The following TEX36 variants were observed in gnomAD, a reference collection of about 807,000 sequenced individuals.
TEX36 encodes the protein testis-expressed protein 36.
TEX36 carries 12 observed loss-of-function variants against 13.6 expected under a neutral mutation model. That is an observed-to-expected ratio of 0.88 (90% CI 0.56 to 1.43). The LOEUF is 1.43. Among genes scored for constraint, TEX36 ranks in the 40% most tolerant of loss-of-function variants. The pLI is 0.00. For synonymous variants in TEX36, 93 were observed against 83.0 expected, an observed-to-expected ratio of 1.12 and a Z score of -0.65; for missense variants, 224 against 228.3, an observed-to-expected ratio of 0.98 and a Z score of 0.12.
At chr10:125,627,315 A>G (rs947490167) in intron 3 of TEX36, among the ~76,000 whole-genome samples, 7 of 152,216 alleles carry the variant, frequency 4.6e-5, no homozygotes, top group African/African-American at 1.7e-4. Flanking sequence ...TACAGAGATG[A>G]AAATATATCT....
intron 3 of TEX36, among the ~76,000 whole-genome samples, chr10:125,625,315 A>C (rs1452444085): frequency 2.6e-5 from 4 of 152,220 alleles, no homozygotes; most frequent in Non-Finnish European, 5.9e-5. Flanking sequence ...AAAATAGTTT[A>C]GCACCCCCCA....
chr10:125,682,046 A>T (rs924964272), intron 1 of TEX36, among the ~76,000 whole-genome samples: 4 of 152,244 alleles, frequency 2.6e-5, no homozygotes, highest in Non-Finnish European at 5.9e-5. Context: ...CCCTAAAAGA[A>T]GTCGACGTCA....
chr10:125,655,514 G>C (rs1315740679), downstream of TEX36, among the ~76,000 whole-genome samples: 1 of 152,172 alleles, frequency 6.6e-6, no homozygotes, highest in Non-Finnish European at 1.5e-5. Context: ...TATGTGTTAT[G>C]CACATGTATA....
At chr10:125,605,250 T>C (rs2133546518) in intron 3 of TEX36, among the ~76,000 whole-genome samples, 1 of 152,326 alleles carries the variant, frequency 6.6e-6, no homozygotes, top group South Asian at 2.1e-4. Flanking sequence ...CCATAAAGTC[T>C]ATGAGGTCAG....
intron 3 of TEX36, among the ~76,000 whole-genome samples, chr10:125,586,102 G>A (rs149280263): frequency 2.6e-5 from 4 of 152,206 alleles, no homozygotes; most frequent in Non-Finnish European, 2.9e-5. Flanking sequence ...GACAGAGGCC[G>A]TCTGGGGCAT....
intron 3 of TEX36, among the ~76,000 whole-genome samples, chr10:125,644,680 T>C (rs1306787392): frequency 6.6e-6 from 1 of 152,234 alleles, no homozygotes; most frequent in East Asian, 1.9e-4. Flanking sequence ...ATCTCACTCT[T>C]GTATAATCCC....
downstream of TEX36, among the ~76,000 whole-genome samples, chr10:125,618,942 TAAAAAAAA>T (rs11452140): frequency 3.4e-3 from 150 of 43,578 alleles, 3 homozygotes; most frequent in Admixed American, 0.027. Flanking sequence ...CCGTCTCTAC[TAAAAAAAA>T]AAAAAAAAAA....
chr10:125,640,078 A>G, intron 3 of TEX36: 2 of 788,592 alleles, frequency 2.5e-6, no homozygotes, highest in Non-Finnish European at 3.1e-6. Flanking sequence ...GTCAGTAGCT[A>G]TATGGAACGT....
chr10:125,679,912 A>T (rs1408475490), intron 1 of TEX36, among the ~76,000 whole-genome samples: 1 of 152,176 alleles, frequency 6.6e-6, no homozygotes, highest in Non-Finnish European at 1.5e-5. Context: ...CCCCAACCCC[A>T]GATAACAATA....
chr10:125,597,439 C>A (rs1272304217), intron 3 of TEX36, among the ~76,000 whole-genome samples: 1 of 152,212 alleles, frequency 6.6e-6, no homozygotes, highest in South Asian at 2.1e-4. Flanking sequence ...ATGCTTAATA[C>A]CCAAACTGCC....
At chr10:125,609,723 C>A (rs1846267322) in intron 3 of TEX36, among the ~76,000 whole-genome samples, 1 of 152,236 alleles carries the variant, frequency 6.6e-6, no homozygotes, top group African/African-American at 2.4e-5. Context: ...GTTGTGGGGA[C>A]ACACGTTGCA....
intron 1 of TEX36, among the ~76,000 whole-genome samples, chr10:125,673,796 A>G (rs1847269892): frequency 6.7e-6 from 1 of 150,044 alleles, no homozygotes; most frequent in South Asian, 2.1e-4. Context: ...GTCTGCCCTT[A>G]GTCTGATGGG....
intron 3 of TEX36, among the ~76,000 whole-genome samples, chr10:125,648,654 A>G (rs951285459): frequency 6.6e-5 from 10 of 152,252 alleles, no homozygotes; most frequent in Admixed American, 6.5e-5. Flanking sequence ...ATGGAGAATG[A>G]CTTTGACAAG....
intron 3 of TEX36, among the ~76,000 whole-genome samples, chr10:125,656,789 A>G (rs1400274764): frequency 6.6e-6 from 1 of 152,046 alleles, no homozygotes; most frequent in Non-Finnish European, 1.5e-5. Context: ...CAATCCAGCC[A>G]GAAACAGACT....
intron 1 of TEX36, among the ~76,000 whole-genome samples, chr10:125,668,971 C>T (rs1223031660): frequency 6.6e-6 from 1 of 152,056 alleles, no homozygotes; most frequent in Non-Finnish European, 1.5e-5. Context: ...CCAACCTGGC[C>T]AACATGGTGA....
intron 1 of TEX36, among the ~76,000 whole-genome samples, chr10:125,665,501 G>T (rs35543720): frequency 6.6e-6 from 1 of 151,988 alleles, no homozygotes; most frequent in Non-Finnish European, 1.5e-5. Context: ...ATTGAACAGG[G>T]TGCTGCTTCC....
rs1223583420 is a variant in TEX36 at position 125,576,801 on chromosome 10, TG to T, written c.337del (p.Gln113SerfsTer8). On this transcript the variant is annotated frameshift_variant, in exon 4 of 4. Transcript: ENST00000532135. LOFTEE classifies it low-confidence loss of function (END_TRUNC). ...TCTCAGGCCTGGATGAGGAATGGACTGGGTCCTCACCGGCTCATAGAACTCT... is the reference window on the plus strand; with the variant it reads ...TCTCAGGCCTGGATGAGGAATGGACTGGTCCTCACCGGCTCATAGAACTCT... The T allele has an allele frequency of 6.5e-7, 1 of 1,535,824 alleles. No individual in the cohort carries two copies. The highest frequency in any genetic ancestry group is 1.4e-5 in the African/African-American group (1 of 73,036).
chr10:125,622,241 T>A (rs183113411), intron 3 of TEX36, among the ~76,000 whole-genome samples: 2 of 152,324 alleles, frequency 1.3e-5, no homozygotes, highest in Non-Finnish European at 1.5e-5. Flanking sequence ...ACACTAATCC[T>A]TAACCTAAAT....
chr10:125,624,835 C>A (rs2133562716), intron 3 of TEX36, among the ~76,000 whole-genome samples: 1 of 152,100 alleles, frequency 6.6e-6, no homozygotes, highest in East Asian at 1.9e-4. Flanking sequence ...TTTCCGCAAG[C>A]AAGCACAGCC....
Sources: allele counts gnomAD v4.1 joint callset (sites outside exome capture counted in the v4.1 genomes callset), GRCh38; gene constraint gnomAD v4.1.1; transcripts MANE v1.5; gene names NCBI Gene and HGNC (gene_info 2026-07-23, HGNC 2026-07-21).